DOK6: variants seen among roughly 807,000 people sequenced by gnomAD.
DOK6 encodes the protein downstream of tyrosine kinase 6.
A neutral mutation model predicts 44.0 loss-of-function variants in DOK6; 22 were observed. The observed-to-expected ratio is 0.50, with a 90% CI of 0.36 to 0.71. The LOEUF (loss-of-function observed/expected upper bound fraction) is 0.71, where lower values mean the gene tolerates loss of function less well. Ranked by LOEUF, DOK6 falls within the 30% of genes least tolerant of loss-of-function variation. DOK6 has a pLI of 0.00. For missense variants in DOK6, 340 were observed against 416.4 expected (o/e 0.82, Z 1.60); for synonymous variants, 166 against 145.5 (o/e 1.14, Z -1.01).
chr18:69,492,378 T>C (rs1980758476), intron 1 of DOK6, among the ~76,000 whole-genome samples: 1 of 152,078 alleles, frequency 6.6e-6, no homozygotes, highest in South Asian at 2.1e-4. Context: ...AACCCCTTAT[T>C]TCTTTTAAAA....
chr18:69,803,313 A>G lies in DOK6; in HGVS notation c.857-37931A>G, dbSNP rs554174655. Among the ~76,000 whole-genome samples the G allele has an allele frequency of 6.0e-4, 91 of 152,300 alleles. 1 individual carries two copies. Among genetic ancestry groups the G allele is most frequent in the South Asian group, 5.0e-3 (24 of 4,820 alleles). ...TTCCTAGCAATATCACAGACATTTGATAATGGTTTCCCAATCACTACATAG... is the reference window on the plus strand; with the variant it reads ...TTCCTAGCAATATCACAGACATTTGGTAATGGTTTCCCAATCACTACATAG... On this transcript the variant is annotated intron_variant, in intron 7 of 7. Transcript: ENST00000382713.
chr18:69,767,839 C>T (rs1979766117), intron 7 of DOK6, among the ~76,000 whole-genome samples: 1 of 152,154 alleles, frequency 6.6e-6, no homozygotes, highest in African/African-American at 2.4e-5. Flanking sequence ...CCGAAGAGGA[C>T]TCACAGTGCA....
At chr18:69,543,687 G>A (rs989344188) in intron 1 of DOK6, among the ~76,000 whole-genome samples, 2 of 151,264 alleles carry the variant, frequency 1.3e-5, no homozygotes, top group African/African-American at 4.8e-5. Context: ...CTTGATTTTT[G>A]TATCTCCGTT....
intron 3 of DOK6, among the ~76,000 whole-genome samples, chr18:69,629,439 G>C (rs1444825954): frequency 6.6e-6 from 1 of 152,098 alleles, no homozygotes; most frequent in Non-Finnish European, 1.5e-5. Flanking sequence ...CTAATTAAAA[G>C]AGCGGCATTC....
chr18:69,593,544 G>A (rs1033900828), intron 2 of DOK6, among the ~76,000 whole-genome samples: 4 of 152,058 alleles, frequency 2.6e-5, no homozygotes, highest in African/African-American at 9.7e-5. Context: ...TAACAATGTG[G>A]GCTTGAAGAA....
At chr18:69,824,435 C>T (rs1981681719) in intron 7 of DOK6, among the ~76,000 whole-genome samples, 1 of 151,592 alleles carries the variant, frequency 6.6e-6, no homozygotes, top group Admixed American at 6.6e-5. Context: ...CAACCTCCTC[C>T]TGGGCTCAAG....
intron 1 of DOK6, among the ~76,000 whole-genome samples, chr18:69,439,964 TTTATTTTTAGCTTAATGATTTA>T (rs1213337006): frequency 6.6e-6 from 1 of 152,180 alleles, no homozygotes; most frequent in Non-Finnish European, 1.5e-5. Flanking sequence ...CTTCACTGAG[TTTATTTTTAGCTTAATGATTTA>T]TTAATCATTT....
chr18:69,614,522 T>A lies in DOK6; in HGVS notation c.289+15024T>A, dbSNP rs532664383. Among the ~76,000 whole-genome samples, 324 of 147,502 alleles carry A rather than the reference T, an allele frequency of 2.2e-3. 3 individuals carry two copies. Among genetic ancestry groups the A allele is most frequent in the African/African-American group, 8.0e-3 (321 of 40,116 alleles). ...TAATTAAAATATCTGTCACTTCACG[T>A]AATTATCACTTTATTTTTTCTTTGT... On this transcript the variant is annotated intron_variant, in intron 3 of 7. Transcript: ENST00000382713.
chr18:69,530,950 G>A (rs1369112635), intron 1 of DOK6, among the ~76,000 whole-genome samples: 2 of 152,120 alleles, frequency 1.3e-5, no homozygotes, highest in African/African-American at 2.4e-5. Context: ...GGGTGCTCCT[G>A]TATTGGGTGC....
intron 7 of DOK6, among the ~76,000 whole-genome samples, chr18:69,812,038 TACATAC>T (rs142340206): frequency 0.04 from 6,013 of 152,162 alleles, 187 homozygotes; most frequent in South Asian, 0.15. Flanking sequence ...ATTTAACAAA[TACATAC>T]ATACTCGAAT....
At position 69,506,214 on chromosome 18, in the gene DOK6, C is replaced by T. The variant is rs147749060; in HGVS notation, c.67-58273C>T. Among the ~76,000 whole-genome samples, 54 of 152,168 alleles carry T rather than the reference C, an allele frequency of 3.5e-4. No homozygotes were observed. In the East Asian group the frequency reaches 9.3e-3, roughly 26 times the overall value. On this transcript the variant is annotated intron_variant, in intron 1 of 7. Coordinates refer to ENST00000382713, the MANE Select transcript of DOK6 (RefSeq NM_152721.6). ...TTTTTTAAAAAAGTATATAAAGTAG[C>T]ACCATCACTCAGGGACAGGACATTT...
At chr18:69,417,605 G>A (rs1978374403) in intron 1 of DOK6, among the ~76,000 whole-genome samples, 1 of 151,912 alleles carries the variant, frequency 6.6e-6, no homozygotes, top group Admixed American at 6.6e-5. Flanking sequence ...GGATCATATG[G>A]CAATTCTATG....
chr18:69,567,183 A>T (rs1368063682), intron 2 of DOK6, among the ~76,000 whole-genome samples: 1 of 152,210 alleles, frequency 6.6e-6, no homozygotes, highest in Non-Finnish European at 1.5e-5. Flanking sequence ...ATGTTTACGG[A>T]GCCCTTACCA....
chr18:69,617,029 C>T (rs894255815), intron 3 of DOK6, among the ~76,000 whole-genome samples: 8 of 151,958 alleles, frequency 5.3e-5, no homozygotes, highest in African/African-American at 1.9e-4. Flanking sequence ...TCCAGTAGTA[C>T]AATAGATCTC....
intron 3 of DOK6, among the ~76,000 whole-genome samples, chr18:69,657,143 T>G (rs1460474855): frequency 2.6e-5 from 4 of 152,192 alleles, no homozygotes; most frequent in Middle Eastern, 3.2e-3. Context: ...TTTTACAAGA[T>G]AAATGCACAT....
chr18:69,841,587 G>A lies in DOK6; in HGVS notation c.*204G>A. ...CCTTTATTTATTGAATTTCTTTGGG[G>A]GAATCTATGTTTTACATAAATAGAA... On this transcript the variant is annotated 3_prime_UTR_variant, in exon 8 of 8. Coordinates refer to ENST00000382713, the MANE Select transcript of DOK6 (RefSeq NM_152721.6). 1.7e-6 allele frequency: 1 copy of A among 596,992 alleles called. No individual in the cohort carries two copies. Among genetic ancestry groups the A allele is most frequent in the Non-Finnish European group, 2.7e-6 (1 of 370,590 alleles). The allele number at this position is 596,992 out of a possible 1,614,324, so 37.0% of individuals were successfully genotyped here.
intron 1 of DOK6, among the ~76,000 whole-genome samples, chr18:69,489,709 G>T (rs1178955688): frequency 6.6e-6 from 1 of 151,944 alleles, no homozygotes; most frequent in African/African-American, 2.4e-5. Context: ...TCTTTCTAAT[G>T]CATATCGAAA....
intron 7 of DOK6, among the ~76,000 whole-genome samples, chr18:69,810,831 C>A (rs552085669): frequency 6.6e-6 from 1 of 151,820 alleles, no homozygotes; most frequent in Non-Finnish European, 1.5e-5. Flanking sequence ...GAAAAGGAAC[C>A]CCTTGCACAA....
chr18:69,610,767 CATATT>C (rs1237886695), intron 3 of DOK6, among the ~76,000 whole-genome samples: 4 of 152,140 alleles, frequency 2.6e-5, no homozygotes, highest in African/African-American at 9.7e-5. Context: ...AATTGTATTA[CATATT>C]ATAAGTAATC....
Sources: allele counts gnomAD v4.1 joint callset (sites outside exome capture counted in the v4.1 genomes callset), GRCh38; gene constraint gnomAD v4.1.1; transcripts MANE v1.5; gene names NCBI Gene and HGNC (gene_info 2026-07-23, HGNC 2026-07-21).